The following VILL variants were observed in gnomAD, a reference collection of about 807,000 sequenced individuals.
The protein encoded by VILL is villin like.
A neutral mutation model predicts 106.3 loss-of-function variants in VILL; 102 were observed. That is an observed-to-expected ratio of 0.96 (90% CI 0.82 to 1.13). VILL has a LOEUF of 1.13. Among genes scored for constraint, VILL ranks in the 50% most tolerant of loss-of-function variants. The probability of loss-of-function intolerance (pLI) is 0.00; values close to 1 mark genes in which losing one functional copy is unlikely to be tolerated. For missense variants in VILL, 1,076 were observed against 1,116.6 expected (o/e 0.96, Z 0.52); for synonymous variants, 431 against 440.3 (o/e 0.98, Z 0.27).
intron 19 of VILL, 30 bp from the exon 20 acceptor site, chr3:38,006,912 C>A (rs200580895): frequency 8.5e-5 from 135 of 1,593,722 alleles, no homozygotes; most frequent in Admixed American, 2.0e-4. Flanking sequence ...GACACCCTAC[C>A]CTGTACCTCC....
At chr3:38,004,131 C>G (rs1185535940) in intron 15 of VILL, 124 bp from the exon 16 acceptor site, 9 of 1,360,078 alleles carry the variant, frequency 6.6e-6, no homozygotes, top group Non-Finnish European at 7.9e-6. Flanking sequence ...CCACGGGGCT[C>G]AGAGGAGGGC....
At position 38,006,480 on chromosome 3, in the gene VILL, C is replaced by T. The variant is rs141085988; in HGVS notation, c.2237C>T (p.Pro746Leu). ...AACAACTTGCGGCTATCCAGATGGC[C>T]GGGCAATGGCAGGGCAGGTGCCGTG... ...EVNNLRLSRWPGNGRAGAVAL... is the reference protein window; with the variant it reads ...EVNNLRLSRWLGNGRAGAVAL... The change falls in exon 19 of 20, where the codon CCG (proline) becomes CTG (leucine). Residue 746 changes from proline to leucine, a missense_variant. Transcript: ENST00000383759. The T allele has an allele frequency of 2.1e-5, 34 of 1,606,412 alleles. No homozygotes were observed. The highest frequency in any genetic ancestry group is 1.7e-4 in the Middle Eastern group (1 of 6,052).
intron 11 of VILL, 62 bp downstream of exon 11, chr3:37,999,501 T>A: frequency 7.6e-7 from 1 of 1,314,610 alleles, no homozygotes; most frequent in Non-Finnish European, 1.0e-6. Context: ...TGCCTACAGG[T>A]AAACGGTATG....
intron 16 of VILL, among the ~76,000 whole-genome samples, chr3:38,005,588 G>T (rs1341832781): frequency 6.6e-6 from 1 of 152,216 alleles, no homozygotes; most frequent in Non-Finnish European, 1.5e-5. Flanking sequence ...GATTGAACGT[G>T]TGTGTGCATG....
At chr3:38,006,137 T>C in intron 17 of VILL, 44 bp from the exon 18 acceptor site, 1 of 1,613,690 alleles carries the variant, frequency 6.2e-7, no homozygotes, top group South Asian at 1.1e-5. Flanking sequence ...TGGTGCCCCC[T>C]TCTCCTGCCC....
At chr3:37,994,492 G>C (rs770958503) in intron 4 of VILL, 26 bp downstream of exon 4, 7 of 1,601,062 alleles carry the variant, frequency 4.4e-6, no homozygotes, top group Non-Finnish European at 5.1e-6. Flanking sequence ...ACCGGGGCAG[G>C]AGGGAGCCGT....
At chr3:38,002,239 C>T (rs1034993129) in intron 13 of VILL, 157 bp from the exon 14 acceptor site, 131 of 689,940 alleles carry the variant, frequency 1.9e-4, no homozygotes, top group Non-Finnish European at 2.6e-4. Flanking sequence ...CTGCACTCCA[C>T]ACTTAGAGGG....
Position 38,005,884 on chromosome 3 carries a change from C to T in VILL, c.2043C>T (p.Ser681=). ...TGAAGACTCACCCAGCAGGGAGGAG[C>T]CCGGCCACACCCATCGTGCTGGTCA... ...EYLKTHPAGR[S]PATPIVLVKQ... Residue 681 remains serine, a synonymous_variant, in exon 17 of 20, where the codon AGC becomes AGT. Coordinates refer to ENST00000383759, the MANE Select transcript of VILL (RefSeq NM_015873.4). 4 of 1,614,142 alleles carry T rather than the reference C, an allele frequency of 2.5e-6. No individual in the cohort carries two copies. The highest frequency in any genetic ancestry group is 3.4e-6 in the Non-Finnish European group (4 of 1,179,996).
In VILL at chr3:37,998,437, C is replaced by T. The variant is rs561616771; in HGVS notation, c.942+73C>T. 18 of 1,419,036 alleles carry T rather than the reference C, an allele frequency of 1.3e-5. No individual in the cohort carries two copies. Among genetic ancestry groups the T allele is most frequent in the Non-Finnish European group, 1.8e-5 (18 of 1,011,368 alleles). 87.9% of individuals were successfully genotyped at this position (1,419,036 alleles called of 1,614,324 possible). A position where few individuals can be genotyped will look rare whatever the true frequency, so the allele number is the denominator to read the frequency against. ...TCTGAGTGGGGAGGCAGCTCCGCCC[C>T]AGGGTCTAAGGGAGGAATCAGCCCT... is the stretch of plus-strand genomic sequence containing the variant. On this transcript the variant is annotated intron_variant, in intron 9 of 19. Transcript: ENST00000383759. The surrounding 1 kb of genome is among the most constrained non-coding windows in gnomAD (Gnocchi z 4.1).
chr3:38,001,295 A>G, intron 11 of VILL, 161 bp from the exon 12 acceptor site: 2 of 1,087,748 alleles, frequency 1.8e-6, no homozygotes, highest in Non-Finnish European at 2.6e-6. Context: ...TACAAAGCCC[A>G]GCACAAGGCC....
chr3:37,993,703 C>G lies in VILL; in HGVS notation c.31C>G (p.Gln11Glu), dbSNP rs766606387. Reference protein sequence around the residue: MDISKGLPGMQGGLHIWISEN... With the variant: MDISKGLPGMEGGLHIWISEN... Reference sequence around the variant, plus strand: ...CATCAGCAAGGGCCTCCCAGGCATGCAGGGAGGCCTCCACATATGGATCTC... The same window carrying G: ...CATCAGCAAGGGCCTCCCAGGCATGGAGGGAGGCCTCCACATATGGATCTC... Residue 11 changes from glutamine to glutamate, a missense_variant, in exon 2 of 20, where the codon CAG becomes GAG. Coordinates refer to ENST00000383759, the MANE Select transcript of VILL (RefSeq NM_015873.4). 6.2e-7 allele frequency: 1 copy of G among 1,614,086 alleles called. No individual in the cohort carries two copies. The highest frequency in any genetic ancestry group is 8.5e-7 in the Non-Finnish European group (1 of 1,179,980).
Position 38,001,090 on chromosome 3 carries a change from G to A in VILL, c.1183-366G>A, listed in dbSNP as rs1423183877. 8 of 499,818 alleles carry A rather than the reference G, an allele frequency of 1.6e-5. No individual in the cohort carries two copies. In the Admixed American group the frequency reaches 1.9e-4, roughly 12 times the overall value. 31.0% of individuals were successfully genotyped at this position (499,818 alleles called of 1,614,324 possible). Reference sequence around the variant, plus strand: ...AAGGGAATTCATTCAAGAGCTCCAAGGCTTCCCTTTCCGCCCGGCTTCTGT... The same window carrying A: ...AAGGGAATTCATTCAAGAGCTCCAAAGCTTCCCTTTCCGCCCGGCTTCTGT... On this transcript the variant is annotated intron_variant, in intron 11 of 19. Transcript: ENST00000383759.
intron 10 of VILL, 90 bp from the exon 11 acceptor site, chr3:37,999,249 T>A: frequency 8.8e-7 from 1 of 1,135,930 alleles, no homozygotes; most frequent in South Asian, 1.7e-5. Context: ...GGACCTGGAA[T>A]CTTGGAGGGA....
At chr3:38,001,281 C>G in intron 11 of VILL, 175 bp from the exon 12 acceptor site, 1 of 974,818 alleles carries the variant, frequency 1.0e-6, no homozygotes, top group Non-Finnish European at 1.5e-6. Context: ...CCTGCAGATC[C>G]TTGTACAAAG....
intron 15 of VILL, 43 bp downstream of exon 15, chr3:38,003,356 T>A: frequency 1.3e-6 from 2 of 1,551,092 alleles, no homozygotes; most frequent in Non-Finnish European, 1.7e-6. Context: ...AGAGGAGGAA[T>A]TGAGGCCCAG....
At chr3:37,995,176 G>A (rs370066431) in intron 4 of VILL, among the ~76,000 whole-genome samples, 1 of 152,132 alleles carries the variant, frequency 6.6e-6, no homozygotes, top group East Asian at 1.9e-4. Flanking sequence ...TATATCTTTC[G>A]CTGTAAATTG....
Position 37,993,640 on chromosome 3 carries a change from C to CT in VILL, c.-31dup, listed in dbSNP as rs551333299. Reference sequence around the variant, plus strand: ...AGCCTGAGAACTCTGGCTGTTGTTCCTTGTGTCGTCCCATATTCCTGCCTG... The same window carrying CT: ...AGCCTGAGAACTCTGGCTGTTGTTCCTTTGTGTCGTCCCATATTCCTGCCTG... On this transcript the variant is annotated 5_prime_UTR_variant, in exon 2 of 20. Transcript: ENST00000383759. The CT allele has an allele frequency of 3.6e-4, 572 of 1,610,532 alleles. 6 individuals carry two copies. In the South Asian group the frequency reaches 5.8e-3, roughly 16 times the overall value.
chr3:37,998,460 C>A lies in VILL; in HGVS notation c.942+96C>A. 1 of 1,130,282 alleles carries A rather than the reference C, an allele frequency of 8.8e-7. No individual in the cohort carries two copies. The allele number at this position is 1,130,282 out of a possible 1,614,324, so 70.0% of individuals were successfully genotyped here. On this transcript the variant is annotated intron_variant, in intron 9 of 19. Coordinates refer to ENST00000383759, the MANE Select transcript of VILL (RefSeq NM_015873.4). This position sits in a 1 kb window ranked among gnomAD's most constrained non-coding sequence, Gnocchi z 4.1. ...CCCAGGGTCTAAGGGAGGAATCAGC[C>A]CTCCCCTAGAGTTTGAGTTGGGAAA...
rs1432515530 is a variant in VILL at position 38,006,411 on chromosome 3, T to A, written c.2206-38T>A. On this transcript the variant is annotated intron_variant, in intron 18 of 19. Transcript: ENST00000383759. ...TGCAGCCTCCCTGTGGGCTACTGAT[T>A]CCCCATCTTCCCCAGCCTGAGGCTC... The A allele has an allele frequency of 1.9e-6, 3 of 1,578,596 alleles. No homozygotes were observed. In the Admixed American group the frequency reaches 5.2e-5, roughly 27 times the overall value.
Sources: gnomAD v4.1 joint callset for allele counts (sites outside exome capture counted in the v4.1 genomes callset) on GRCh38, gnomAD v4.1.1 for gene constraint, Gnocchi (gnomAD v3.1) non-coding constraint, MANE v1.5 for transcripts, NCBI Gene and HGNC (gene_info 2026-07-23, HGNC 2026-07-21) for gene names.